Variants in XYLT1 observed in about 807,000 individuals in gnomAD.
The protein encoded by XYLT1 is xylosyltransferase 1.
A neutral mutation model predicts 91.3 loss-of-function variants in XYLT1; 36 were observed. The observed-to-expected ratio is 0.39, with a 90% CI of 0.30 to 0.52. The LOEUF (loss-of-function observed/expected upper bound fraction) is 0.52, where lower values mean the gene tolerates loss of function less well. Among genes scored for constraint, XYLT1 ranks in the 20% least tolerant of loss-of-function variants. XYLT1 has a pLI of 0.68. For synonymous variants in XYLT1, 588 were observed against 532.0 expected, an observed-to-expected ratio of 1.11 and a Z score of -1.45; for missense variants, 1,242 against 1,284.5, an observed-to-expected ratio of 0.97 and a Z score of 0.51.
chr16:17,138,040 G>GA (rs1483629626), intron 8 of XYLT1, among the ~76,000 whole-genome samples: 4 of 118,438 alleles, frequency 3.4e-5, no homozygotes, highest in Non-Finnish European at 6.7e-5. Context: ...ATAAAGAGAA[G>GA]ATGATATGAG....
chr16:17,266,138 T>C (rs1169172699), intron 2 of XYLT1, among the ~76,000 whole-genome samples: 1 of 152,186 alleles, frequency 6.6e-6, no homozygotes, highest in Non-Finnish European at 1.5e-5. Context: ...TTATCGTCTA[T>C]AGCAGCACAC....
At chr16:17,168,522 C>G (rs891847038) in intron 5 of XYLT1, among the ~76,000 whole-genome samples, 1 of 152,034 alleles carries the variant, frequency 6.6e-6, no homozygotes, top group African/African-American at 2.4e-5. Flanking sequence ...GCCTTCATAC[C>G]CAAAACCTCA....
intron 1 of XYLT1, among the ~76,000 whole-genome samples, chr16:17,467,168 G>T (rs911017011): frequency 6.6e-6 from 1 of 152,168 alleles, no homozygotes; most frequent in Non-Finnish European, 1.5e-5. Flanking sequence ...CGGCAGGCGG[G>T]GGGTGGGAAG....
intron 1 of XYLT1, among the ~76,000 whole-genome samples, chr16:17,424,867 C>CA (rs57342754): frequency 0.015 from 1,115 of 75,830 alleles, 28 homozygotes; most frequent in African/African-American, 0.043. Context: ...GACTCCATCT[C>CA]AAAAAAAAAA....
chr16:17,109,052 G>A (rs1208909650), intron 11 of XYLT1, 35 bp from the exon 12 acceptor site: 1 of 1,488,034 alleles, frequency 6.7e-7, no homozygotes, highest in Non-Finnish European at 8.9e-7. Flanking sequence ...AGGATCAGAA[G>A]AGCCACCAAT....
At chr16:17,209,933 T>C (rs1282470193) in intron 3 of XYLT1, among the ~76,000 whole-genome samples, 9 of 152,238 alleles carry the variant, frequency 5.9e-5, no homozygotes, top group Non-Finnish European at 7.3e-5. Flanking sequence ...TCTCGCTCTG[T>C]TGCCCAGGCT....
chr16:17,390,193 C>T (rs1161446409), intron 1 of XYLT1, among the ~76,000 whole-genome samples: 2 of 152,096 alleles, frequency 1.3e-5, no homozygotes, highest in Non-Finnish European at 2.9e-5. Context: ...GAGGCGAGTA[C>T]AAGGAATATA....
Position 17,127,987 on chromosome 16 carries a change from T to C in XYLT1, c.2028-126A>G, listed in dbSNP as rs2030323388. 3 of 768,718 alleles carry C rather than the reference T, an allele frequency of 3.9e-6. No homozygotes were observed. In the South Asian group the frequency reaches 6.2e-5, roughly 16 times the overall value. 47.6% of individuals were successfully genotyped at this position (768,718 alleles called of 1,614,324 possible). A position where few individuals can be genotyped will look rare whatever the true frequency, so the allele number is the denominator to read the frequency against. On this transcript the variant is annotated intron_variant, in intron 9 of 11. Coordinates refer to ENST00000261381, the MANE Select transcript of XYLT1 (RefSeq NM_022166.4). Reference sequence around the variant, plus strand: ...TGTGCACAATGCCTACTGTTTTCCTTGCGTCCTCTGTATCTATGATCTCAA... The same window carrying C: ...TGTGCACAATGCCTACTGTTTTCCTCGCGTCCTCTGTATCTATGATCTCAA...
At chr16:17,230,178 T>C (rs560712819) in intron 3 of XYLT1, among the ~76,000 whole-genome samples, 3 of 152,182 alleles carry the variant, frequency 2.0e-5, no homozygotes, top group Non-Finnish European at 4.4e-5. Flanking sequence ...CATGTTGTTT[T>C]AAGCCACGCT....
intron 2 of XYLT1, among the ~76,000 whole-genome samples, chr16:17,289,164 T>C (rs2034186169): frequency 6.6e-6 from 1 of 152,222 alleles, no homozygotes; most frequent in African/African-American, 2.4e-5. Flanking sequence ...CTCTCAACCC[T>C]GCCATTGTAG....
intron 5 of XYLT1, among the ~76,000 whole-genome samples, chr16:17,192,344 C>T (rs143484448): frequency 0.019 from 2,950 of 152,144 alleles, 35 homozygotes; most frequent in Non-Finnish European, 0.029. Flanking sequence ...GGTGATCCAC[C>T]CATCTTGGCC....
intron 3 of XYLT1, among the ~76,000 whole-genome samples, chr16:17,205,948 C>T (rs545630593): frequency 2.0e-5 from 3 of 152,248 alleles, no homozygotes; most frequent in African/African-American, 7.2e-5. Context: ...AACACAGAGA[C>T]ATGGAAACAA....
chr16:17,349,423 T>C (rs1461362681), intron 2 of XYLT1, among the ~76,000 whole-genome samples: 1 of 152,096 alleles, frequency 6.6e-6, no homozygotes, highest in Non-Finnish European at 1.5e-5. Flanking sequence ...AGGAGACAGA[T>C]TTCATTTGTC....
chr16:17,274,087 T>A (rs2033936218), intron 2 of XYLT1, among the ~76,000 whole-genome samples: 1 of 151,982 alleles, frequency 6.6e-6, no homozygotes, highest in East Asian at 1.9e-4. Flanking sequence ...AATTTTTGTA[T>A]TTTTAGTAGA....
At chr16:17,112,137 T>G (rs1345897072) in intron 11 of XYLT1, among the ~76,000 whole-genome samples, 2 of 152,316 alleles carry the variant, frequency 1.3e-5, no homozygotes, top group African/African-American at 2.4e-5. Flanking sequence ...AAAACCCTTA[T>G]GAGAAATGAG....
chr16:17,432,317 AC>A (rs1385315969), intron 1 of XYLT1, among the ~76,000 whole-genome samples: 1 of 152,064 alleles, frequency 6.6e-6, no homozygotes, highest in Non-Finnish European at 1.5e-5. Flanking sequence ...AGCAGAAAAA[AC>A]CCAGTGTCCA....
intron 1 of XYLT1, among the ~76,000 whole-genome samples, chr16:17,398,854 G>GTTTTT (rs2035926178): frequency 8.4e-6 from 1 of 119,358 alleles, no homozygotes; most frequent in Admixed American, 1.2e-4. Flanking sequence ...GTTTTGTTTT[G>GTTTTT]TTTTGTTTTT....
chr16:17,328,628 T>A lies in XYLT1; in HGVS notation c.402+29384A>T, dbSNP rs899885001. ...AGAAATGCAAGAGCAGAAAAAAAAT[T>A]ATCAAAAAAGAGGCAGATTTTTATT... On this transcript the variant is annotated intron_variant, in intron 2 of 11. Coordinates refer to ENST00000261381, the MANE Select transcript of XYLT1 (RefSeq NM_022166.4). Among the ~76,000 whole-genome samples the A allele has an allele frequency of 2.1e-5, 3 of 142,300 alleles. No individual in the cohort carries two copies. In the Admixed American group the frequency reaches 2.2e-4, roughly 10 times the overall value. The allele number at this position is 142,300 out of a possible 152,430, so 93.4% of individuals were successfully genotyped here.
intron 2 of XYLT1, among the ~76,000 whole-genome samples, chr16:17,309,040 C>T (rs2034506685): frequency 6.6e-6 from 1 of 152,042 alleles, no homozygotes; most frequent in African/African-American, 2.4e-5. Flanking sequence ...AGCCCAGAGC[C>T]TAGCAATCAG....
Sources: allele counts gnomAD v4.1 joint callset (sites outside exome capture counted in the v4.1 genomes callset), GRCh38; gene constraint gnomAD v4.1.1; transcripts MANE v1.5; gene names NCBI Gene and HGNC (gene_info 2026-07-23, HGNC 2026-07-21).